VPS54: variants seen among roughly 807,000 people sequenced by gnomAD.
VPS54 encodes the protein VPS54 subunit of GARP complex.
Under a neutral mutation model 121.5 loss-of-function variants are expected in VPS54, and 45 were observed. The ratio of observed to expected loss-of-function variants is 0.37; its 90% confidence interval spans 0.29 to 0.47. VPS54 has a LOEUF of 0.47. Ranked by LOEUF, VPS54 falls within the 20% of genes least tolerant of loss-of-function variation. The pLI is 0.99. For missense variants in VPS54, 1,090 were observed against 1,131.4 expected, an observed-to-expected ratio of 0.96 and a Z score of 0.52; for synonymous variants, 371 against 385.8, an observed-to-expected ratio of 0.96 and a Z score of 0.45.
Position 63,893,436 on chromosome 2 carries a change from C to T in VPS54, c.2928G>A (p.Lys976=), listed in dbSNP as rs1672311682. The T allele has an allele frequency of 1.2e-6, 2 of 1,613,688 alleles. No individual in the cohort carries two copies. The highest frequency in any genetic ancestry group is 1.1e-5 in the South Asian group (1 of 91,072). The stretch of plus-strand genomic sequence containing the variant: ...CCAGTTTTCCAGGATGACATCACCT[C>T]TTCTGCTCCCAAATTTCGGCCATAT... The part of the protein sequence containing the change: ...DLNMAEIWEQ[K]R The change falls in exon 23 of 23, where the codon AAG becomes AAA. Residue 976 remains lysine (K), a synonymous_variant. Transcript: ENST00000272322.
At chr2:63,999,657 T>C (rs1210826629) in intron 1 of VPS54, among the ~76,000 whole-genome samples, 1 of 152,222 alleles carries the variant, frequency 6.6e-6, no homozygotes, top group South Asian at 2.1e-4. Context: ...TTCTCTGTTA[T>C]TATTCCTTCG....
chr2:63,927,403 C>T (rs562348863), intron 12 of VPS54, among the ~76,000 whole-genome samples: 58 of 152,296 alleles, frequency 3.8e-4, no homozygotes, highest in African/African-American at 1.2e-3. Flanking sequence ...AACTCCAACA[C>T]ACCTGCAGTT....
At chr2:63,948,992 T>C (rs926377014) in intron 8 of VPS54, 45 bp downstream of exon 8, 4 of 1,598,366 alleles carry the variant, frequency 2.5e-6, no homozygotes, top group African/African-American at 2.7e-5. Flanking sequence ...AAGCCAAGAC[T>C]GTTAAGCAAT....
chr2:63,927,183 A>T (rs937353099), intron 12 of VPS54, among the ~76,000 whole-genome samples: 12 of 152,180 alleles, frequency 7.9e-5, no homozygotes, highest in African/African-American at 2.7e-4. Flanking sequence ...TCGAGCTCTG[A>T]TAACGGACAG....
intron 1 of VPS54, among the ~76,000 whole-genome samples, chr2:64,011,433 G>A (rs1251098292): frequency 1.3e-5 from 2 of 152,116 alleles, no homozygotes; most frequent in East Asian, 3.9e-4. Flanking sequence ...GGGCATGGTG[G>A]TGCACGCCTG....
At chr2:63,929,903 G>C (rs1674105084) in intron 12 of VPS54, among the ~76,000 whole-genome samples, 1 of 152,062 alleles carries the variant, frequency 6.6e-6, no homozygotes, top group African/African-American at 2.4e-5. Context: ...AAATAAACTA[G>C]AAAATCTAGA....
chr2:63,924,929 C>T (rs992757815), intron 12 of VPS54, among the ~76,000 whole-genome samples: 10 of 152,226 alleles, frequency 6.6e-5, no homozygotes, highest in African/African-American at 2.4e-4. Context: ...GATTGTAGGT[C>T]TTAATGTGAA....
intron 15 of VPS54, among the ~76,000 whole-genome samples, chr2:63,919,635 G>A (rs1223372129): frequency 2.6e-5 from 4 of 152,078 alleles, no homozygotes. Flanking sequence ...ACAGATCGTT[G>A]TGAGAATGAA....
At chr2:63,915,963 A>G (rs1673363486) in intron 16 of VPS54, among the ~76,000 whole-genome samples, 1 of 152,210 alleles carries the variant, frequency 6.6e-6, no homozygotes, top group Admixed American at 6.5e-5. Context: ...GGTAAGTGCC[A>G]TGATTGAGGA....
intron 22 of VPS54, among the ~76,000 whole-genome samples, chr2:63,895,419 GCTCCAGCCTGTGTGACAGAGTGATA>G (rs1378143707): frequency 2.0e-5 from 3 of 152,058 alleles, no homozygotes; most frequent in African/African-American, 7.2e-5. Context: ...ACGCCACTGC[GCTCCAGCCTGTGTGACAGAGTGATA>G]CTCCATCTCA....
chr2:63,981,542 T>C (rs1676800006), intron 3 of VPS54, 104 bp downstream of exon 3: 2 of 1,296,968 alleles, frequency 1.5e-6, no homozygotes, highest in Non-Finnish European at 2.1e-6. Flanking sequence ...AAAAGAATAC[T>C]ATAGGTTCAT....
intron 22 of VPS54, among the ~76,000 whole-genome samples, chr2:63,896,269 G>A (rs1344936474): frequency 4.6e-5 from 7 of 152,122 alleles, no homozygotes; most frequent in African/African-American, 1.7e-4. Flanking sequence ...CTTGTTTTTA[G>A]AGACACATGC....
At chr2:64,010,950 T>A (rs1272274427) in intron 1 of VPS54, among the ~76,000 whole-genome samples, 1 of 152,212 alleles carries the variant, frequency 6.6e-6, no homozygotes, top group Admixed American at 6.5e-5. Flanking sequence ...TCATATGGCA[T>A]TTATGAAACC....
In VPS54 at chr2:63,955,178, A is replaced by G. The variant is rs367948443; in HGVS notation, c.1011-6015T>C. On this transcript the variant is annotated intron_variant, in intron 7 of 22. Coordinates refer to ENST00000272322, the MANE Select transcript of VPS54 (RefSeq NM_016516.3). ...ACAGATAAAACAAACTTTGCTTTGC[A>G]TTGACAACTTAGATAAACAATTCAT... Among the ~76,000 whole-genome samples the G allele has an allele frequency of 9.9e-5, 15 of 152,150 alleles. No homozygotes were observed. The South Asian group carries it at 2.3e-3, about 23-fold the overall frequency.
intron 21 of VPS54, 59 bp downstream of exon 21, chr2:63,899,415 A>G (rs1672581652): frequency 2.0e-6 from 3 of 1,477,686 alleles, no homozygotes; most frequent in Admixed American, 3.5e-5. Context: ...AAACACCCCA[A>G]TTCTGTACAG....
chr2:63,951,281 T>C (rs918974034), intron 7 of VPS54, among the ~76,000 whole-genome samples: 1 of 149,732 alleles, frequency 6.7e-6, no homozygotes, highest in Non-Finnish European at 1.5e-5. Flanking sequence ...ATCAAGGAAT[T>C]AAACTTTTTA....
In VPS54 at chr2:63,927,405, C is replaced by T. The variant is rs74680891; in HGVS notation, c.1740-6070G>A. ...TGGACCTCCAGCAAACTCCAACACA[C>T]CTGCAGTTGAGGGATGTGACTGTTG... On this transcript the variant is annotated intron_variant, in intron 12 of 22. Transcript: ENST00000272322. Among the ~76,000 whole-genome samples the T allele has an allele frequency of 3.3e-3, 503 of 152,272 alleles. 5 individuals are homozygous for T. The highest frequency in any genetic ancestry group is 0.012 in the African/African-American group (484 of 41,548).
At position 63,931,854 on chromosome 2, in the gene VPS54, C is replaced by A. The variant is rs540187137; in HGVS notation, c.1739+1819G>T. 3.3e-5 allele frequency among the ~76,000 whole-genome samples: 5 copies of A among 152,278 alleles called. 1 individual carries two copies. The highest frequency in any genetic ancestry group is 1.2e-4 in the African/African-American group (5 of 41,562). On this transcript the variant is annotated intron_variant, in intron 12 of 22. Transcript: ENST00000272322. Reference sequence around the variant, plus strand: ...TCAAAAAGTGGGCAAAGGATATGAACAGACACTTCTCAAAAGAGGACATTT... The same window carrying A: ...TCAAAAAGTGGGCAAAGGATATGAAAAGACACTTCTCAAAAGAGGACATTT...
intron 12 of VPS54, among the ~76,000 whole-genome samples, chr2:63,926,376 A>C (rs1037868750): frequency 2.6e-5 from 4 of 152,224 alleles, no homozygotes; most frequent in Non-Finnish European, 4.4e-5. Flanking sequence ...ACACAGAAGA[A>C]ACTTTATTAA....
Sources: allele counts gnomAD v4.1 joint callset (sites outside exome capture counted in the v4.1 genomes callset), GRCh38; gene constraint gnomAD v4.1.1; transcripts MANE v1.5; gene names NCBI Gene and HGNC (gene_info 2026-07-23, HGNC 2026-07-21).